CYB5R3: variants seen among roughly 807,000 people sequenced by gnomAD.
The protein encoded by CYB5R3 is NADH-cytochrome b5 reductase 3.
A neutral mutation model predicts 36.5 loss-of-function variants in CYB5R3; 28 were observed. The ratio of observed to expected loss-of-function variants is 0.77; its 90% CI spans 0.57 to 1.05. CYB5R3 has a LOEUF of 1.05. Among genes scored for constraint, CYB5R3 ranks in the 50% least tolerant of loss-of-function variants. CYB5R3 has a pLI of 0.00. For missense variants in CYB5R3, 474 were observed against 408.9 expected (o/e 1.16, Z -1.37); for synonymous variants, 181 against 159.8 (o/e 1.13, Z -1.00).
intron 1 of CYB5R3, among the ~76,000 whole-genome samples, chr22:42,641,176 A>G (rs1020301933): frequency 5.3e-5 from 8 of 151,784 alleles, no homozygotes; most frequent in Admixed American, 3.3e-4. Flanking sequence ...TTAAAATAAC[A>G]GTTTTCTCTA....
intron 2 of CYB5R3, among the ~76,000 whole-genome samples, chr22:42,634,628 G>A (rs1928789966): frequency 6.9e-6 from 1 of 144,852 alleles, no homozygotes; most frequent in African/African-American, 2.6e-5. Context: ...CATATTGATT[G>A]ATTGATTGAT....
At chr22:42,647,812 A>G (rs923190644) in intron 1 of CYB5R3, among the ~76,000 whole-genome samples, 26 of 152,294 alleles carry the variant, frequency 1.7e-4, no homozygotes, top group African/African-American at 6.0e-4. Flanking sequence ...TTGAGGCTGC[A>G]GTGAGCTATG....
intron 2 of CYB5R3, among the ~76,000 whole-genome samples, chr22:42,634,995 G>A (rs1194458796): frequency 1.8e-5 from 2 of 114,000 alleles, no homozygotes; most frequent in Non-Finnish European, 3.6e-5. Context: ...TTTTTGAGAC[G>A]GAGTCTTGCT....
intron 1 of CYB5R3, chr22:42,644,627 A>T: frequency 6.9e-7 from 1 of 1,456,536 alleles, no homozygotes; most frequent in Non-Finnish European, 9.1e-7. Flanking sequence ...TGGGGCAAGT[A>T]CTATTCCGAG....
chr22:42,649,054 C>T lies in CYB5R3; in HGVS notation c.21+241G>A, dbSNP rs190364570. 4.1e-3 allele frequency among the ~76,000 whole-genome samples: 625 copies of T among 152,230 alleles called. 4 individuals are homozygous for T. Among genetic ancestry groups the T allele is most frequent in the African/African-American group, 0.015 (606 of 41,542 alleles). ...CCCCCGGGTGCTGGGCTCTGGCGCG[C>T]CCCCCGGGCAGGAGGGCTGGGTCCC... On this transcript the variant is annotated intron_variant, in intron 1 of 8. Coordinates refer to ENST00000352397, the MANE Select transcript of CYB5R3 (RefSeq NM_000398.7).
At chr22:42,631,097 G>T in intron 3 of CYB5R3, 109 bp from the exon 4 acceptor site, 4 of 1,058,560 alleles carry the variant, frequency 3.8e-6, no homozygotes, top group Non-Finnish European at 5.7e-6. Flanking sequence ...AGCCTGGCCT[G>T]GCGTCAGCTC....
rs180927402 is a variant in CYB5R3 at position 42,626,061 on chromosome 22, C to T, written c.633+1243G>A. ...CTGTGGCTCACGCCTGTAATCCCAA[C>T]ACTTTGGGAGGCTGAGGCGGGTGGA... On this transcript the variant is annotated intron_variant, in intron 7 of 8. Coordinates refer to ENST00000352397, the MANE Select transcript of CYB5R3 (RefSeq NM_000398.7). Among the ~76,000 whole-genome samples the T allele has an allele frequency of 9.9e-4, 151 of 152,340 alleles. 3 individuals carry two copies. In the East Asian group the frequency reaches 0.024, roughly 24 times the overall value.
intron 1 of CYB5R3, chr22:42,639,807 T>A: frequency 1.2e-6 from 1 of 833,942 alleles, no homozygotes; most frequent in Non-Finnish European, 1.8e-6. Flanking sequence ...ATAGACACAG[T>A]TGACCCTTGA....
intron 1 of CYB5R3, among the ~76,000 whole-genome samples, chr22:42,643,638 C>G (rs1240231912): frequency 6.6e-6 from 1 of 152,110 alleles, no homozygotes; most frequent in Non-Finnish European, 1.5e-5. Context: ...GGATGCCTAG[C>G]CCACCCCTCA....
intron 1 of CYB5R3, among the ~76,000 whole-genome samples, chr22:42,643,359 C>A (rs533451947): frequency 6.6e-6 from 1 of 152,158 alleles, no homozygotes; most frequent in African/African-American, 2.4e-5. Flanking sequence ...GCCACCCTCA[C>A]GGGGCCACTA....
At chr22:42,640,314 T>A in intron 1 of CYB5R3, 1 of 1,506,738 alleles carries the variant, frequency 6.6e-7, no homozygotes, top group Non-Finnish European at 8.9e-7. Flanking sequence ...AATGGCCAGC[T>A]GAAGGTCACC....
chr22:42,644,766 T>C lies in CYB5R3; in HGVS notation c.21+4529A>G, dbSNP rs895811871. 2.5e-5 allele frequency: 12 copies of C among 489,532 alleles called. No homozygotes were observed. The South Asian group carries it at 3.5e-4, about 14-fold the overall frequency. The allele number at this position is 489,532 out of a possible 1,614,324, so 30.3% of individuals were successfully genotyped here. On this transcript the variant is annotated intron_variant, in intron 1 of 8. Coordinates refer to ENST00000352397, the MANE Select transcript of CYB5R3 (RefSeq NM_000398.7). Reference sequence around the variant, plus strand: ...ATTGTTGGGGGCCCTGGCAATGAACTTGAATGACATTAGGAGCTGGGGTTG... The same window carrying C: ...ATTGTTGGGGGCCCTGGCAATGAACCTGAATGACATTAGGAGCTGGGGTTG...
At chr22:42,643,055 T>G (rs1929362858) in intron 1 of CYB5R3, among the ~76,000 whole-genome samples, 1 of 152,164 alleles carries the variant, frequency 6.6e-6, no homozygotes, top group Non-Finnish European at 1.5e-5. Flanking sequence ...AGGTAGTATA[T>G]CCTGCAGAAC....
chr22:42,628,687 G>T (rs539549736), intron 4 of CYB5R3, among the ~76,000 whole-genome samples: 1 of 152,332 alleles, frequency 6.6e-6, no homozygotes, highest in East Asian at 1.9e-4. Context: ...CTTCCGTTTT[G>T]TGCTGTCGCT....
Position 42,619,601 on chromosome 22 carries a change from GC to G in CYB5R3, c.*171del. On this transcript the variant is annotated 3_prime_UTR_variant, in exon 9 of 9. Coordinates refer to ENST00000352397, the MANE Select transcript of CYB5R3 (RefSeq NM_000398.7). ...TCAGCCGTGGCCCATCTGGGACACA[GC>G]CCTGCTCCCGAAGGGGCTCCAGGGG... is the stretch of plus-strand genomic sequence containing the variant. 1 of 647,380 alleles carries G rather than the reference GC, an allele frequency of 1.5e-6. No homozygotes were observed. 40.1% of individuals were successfully genotyped at this position (647,380 alleles called of 1,614,324 possible).
rs555436797 is a variant in CYB5R3 at position 42,623,993 on chromosome 22, C to T, written c.634-105G>A. On this transcript the variant is annotated intron_variant, in intron 7 of 8. Transcript: ENST00000352397. ...TCATCGCGCCCGCCTGCGGGCCACA[C>T]GCTTGCGGAGCTTTCAGGAGGGGAC... 1.4e-4 allele frequency: 132 copies of T among 975,926 alleles called. 2 individuals carry two copies. In the South Asian group the frequency reaches 1.5e-3, roughly 11 times the overall value. The allele number at this position is 975,926 out of a possible 1,614,324, so 60.5% of individuals were successfully genotyped here. A position where few individuals can be genotyped will look rare whatever the true frequency, so the allele number is the denominator to read the frequency against.
intron 1 of CYB5R3, among the ~76,000 whole-genome samples, chr22:42,641,315 T>C (rs555022886): frequency 1.1e-4 from 17 of 149,562 alleles, no homozygotes; most frequent in African/African-American, 4.2e-4. Context: ...ATGGATTTTC[T>C]TTTTTTTTTC....
chr22:42,637,092 A>G (rs1011788664), intron 1 of CYB5R3, among the ~76,000 whole-genome samples: 2 of 152,180 alleles, frequency 1.3e-5, no homozygotes, highest in Non-Finnish European at 2.9e-5. Context: ...CATGAGAAAA[A>G]GCTCCATTTC....
At position 42,631,413 on chromosome 22, in the gene CYB5R3, A is replaced by T; in HGVS notation, c.191T>A (p.Leu64Gln). Residue 64 changes from leucine (L) to glutamine (Q), a missense_variant, in exon 3 of 9, where the codon CTG (leucine) becomes CAG (glutamine). Transcript: ENST00000352397. ...SHDTRRFRFA[L>Q]PSPQHILGLP... is the part of the protein sequence containing the mutation. ...GCCCAGGATGTGCTGGGGTGACGGCAGGGCAAAGCGGAAGCGCCGGGTGTC... is the reference window on the plus strand; with the variant it reads ...GCCCAGGATGTGCTGGGGTGACGGCTGGGCAAAGCGGAAGCGCCGGGTGTC... 6.4e-7 allele frequency: 1 copy of T among 1,551,620 alleles called. No homozygotes were observed. Among genetic ancestry groups the T allele is most frequent in the Non-Finnish European group, 8.7e-7 (1 of 1,146,962 alleles).
Sources: gnomAD v4.1 joint callset for allele counts (sites outside exome capture counted in the v4.1 genomes callset) on GRCh38, gnomAD v4.1.1 for gene constraint, MANE v1.5 for transcripts, NCBI Gene and HGNC (gene_info 2026-07-23, HGNC 2026-07-21) for gene names.